Variants in ITFG2 observed in about 807,000 individuals in gnomAD.
ITFG2 encodes the protein integrin alpha FG-GAP repeat containing 2.
Under a neutral mutation model 54.4 loss-of-function variants are expected in ITFG2, and 36 were observed. The observed-to-expected ratio is 0.66, with a 90% CI of 0.51 to 0.87. ITFG2 has a LOEUF of 0.87. ITFG2 is among the 40% of genes least tolerant of loss of function. ITFG2 has a pLI of 0.00. For missense variants in ITFG2, 524 were observed against 576.7 expected (o/e 0.91, Z 0.94); for synonymous variants, 211 against 225.4 (o/e 0.94, Z 0.57).
intron 1 of ITFG2, among the ~76,000 whole-genome samples, chr12:2,838,463 G>A (rs899577652): frequency 6.6e-6 from 1 of 152,164 alleles, no homozygotes; most frequent in African/African-American, 2.4e-5. Flanking sequence ...TCTGTACACT[G>A]CACTCCAGGG....
At chr12:2,816,509 T>C (rs2097922087) in intron 1 of ITFG2, among the ~76,000 whole-genome samples, 1 of 151,778 alleles carries the variant, frequency 6.6e-6, no homozygotes, top group Non-Finnish European at 1.5e-5. Flanking sequence ...TTTTGTAGTT[T>C]TAATAGAAAC....
intron 2 of ITFG2, chr12:2,830,786 C>T: frequency 1.9e-6 from 3 of 1,613,950 alleles, no homozygotes; most frequent in Non-Finnish European, 2.5e-6. Flanking sequence ...TCAGGTCCTG[C>T]ATCCGGGGAG....
chr12:2,857,322 T>A (rs1303127966), intron 2 of ITFG2: 2 of 464,180 alleles, frequency 4.3e-6, no homozygotes, highest in African/African-American at 3.9e-5. Context: ...GGGATGGCAG[T>A]GGGAATGAAG....
intron 2 of ITFG2, among the ~76,000 whole-genome samples, chr12:2,850,878 G>A (rs895729409): frequency 2.0e-5 from 3 of 151,624 alleles, no homozygotes; most frequent in Non-Finnish European, 2.9e-5. Context: ...CCCCATGTTG[G>A]CCAGGCTGGT....
At chr12:2,830,436 G>T in intron 2 of ITFG2, 15 of 346,932 alleles carry the variant, frequency 4.3e-5, no homozygotes, top group South Asian at 1.3e-4. Flanking sequence ...TCTGTGTAGA[G>T]CACACTGAGG....
rs117927346 is a variant in ITFG2 at position 2,855,059 on chromosome 12, T to C, written n.301-2953T>C. On this transcript the variant is annotated intron_variant and non_coding_transcript_variant, in intron 2 of 3. Coordinates refer to the ITFG2 transcript ENST00000537710. ...TCCACAAACGTGGGATAACAGTGGATGAAGGTCAGGAAGCTGTTTTGCCCC... is the reference window on the plus strand; with the variant it reads ...TCCACAAACGTGGGATAACAGTGGACGAAGGTCAGGAAGCTGTTTTGCCCC... 2.6e-6 allele frequency: 4 copies of C among 1,535,712 alleles called. No individual in the cohort carries two copies. The East Asian group carries it at 9.8e-5, about 38-fold the overall frequency.
At chr12:2,830,594 A>G in intron 2 of ITFG2, 1 of 1,159,386 alleles carries the variant, frequency 8.6e-7, no homozygotes. Context: ...CTAGGGAGAG[A>G]GGTGCCCTTT....
chr12:2,857,289 G>C, intron 2 of ITFG2: 1 of 524,970 alleles, frequency 1.9e-6, no homozygotes, highest in Non-Finnish European at 3.4e-6. Context: ...AGCAGGGCAG[G>C]CTGGCTCCCA....
chr12:2,833,278 T>C (rs1275765421), upstream of ITFG2, among the ~76,000 whole-genome samples: 1 of 152,082 alleles, frequency 6.6e-6, no homozygotes, highest in African/African-American at 2.4e-5. Context: ...GTTCCAGCCA[T>C]TGAGAGCCGA....
chr12:2,813,340 G>A lies in ITFG2; in HGVS notation c.96+484G>A, dbSNP rs1190976935. The stretch of plus-strand genomic sequence containing the variant: ...GGTCAAGCAGGTAAAACAATGCCTG[G>A]CACACAGTTTAGTGCTCACTTAAGT... On this transcript the variant is annotated intron_variant, in intron 1 of 11. Transcript: ENST00000228799. 2.6e-5 allele frequency among the ~76,000 whole-genome samples: 4 copies of A among 152,320 alleles called. No individual in the cohort carries two copies. The East Asian group carries it at 7.7e-4, about 29-fold the overall frequency.
At chr12:2,841,719 A>T (rs1247808156) in intron 2 of ITFG2, among the ~76,000 whole-genome samples, 2 of 147,542 alleles carry the variant, frequency 1.4e-5, no homozygotes, top group African/African-American at 2.5e-5. Flanking sequence ...CTTTATATTG[A>T]TTTTTTTTTT....
chr12:2,837,304 C>T (rs1003513671), intron 1 of ITFG2, among the ~76,000 whole-genome samples: 1 of 151,946 alleles, frequency 6.6e-6, no homozygotes, highest in Non-Finnish European at 1.5e-5. Flanking sequence ...AGTGAAACCC[C>T]GTCTCTACTA....
intron 1 of ITFG2, among the ~76,000 whole-genome samples, chr12:2,838,423 G>T (rs114677594): frequency 6.6e-6 from 1 of 152,238 alleles, no homozygotes; most frequent in Middle Eastern, 3.4e-3. Flanking sequence ...AACATGGATG[G>T]GCTGTCCCAG....
intron 2 of ITFG2, among the ~76,000 whole-genome samples, chr12:2,848,877 G>GCGCACACACA (rs1555092608): frequency 8.7e-4 from 122 of 140,372 alleles, no homozygotes; most frequent in African/African-American, 3.0e-3. Flanking sequence ...ACACACACAC[G>GCGCACACACA]CACACACACA....
chr12:2,830,616 CCT>C, intron 2 of ITFG2: 1 of 1,356,182 alleles, frequency 7.4e-7, no homozygotes, highest in Non-Finnish European at 1.0e-6. Flanking sequence ...TCCCTCCCTC[CCT>C]CTCCCATCAG....
At chr12:2,834,669 G>C, upstream of ITFG2, 2 of 1,609,938 alleles carry the variant, frequency 1.2e-6, no homozygotes, top group Non-Finnish European at 1.7e-6. Flanking sequence ...CGAGCCTCTT[G>C]AGGCTGTCCA....
intron 1 of ITFG2, among the ~76,000 whole-genome samples, chr12:2,814,032 C>T (rs1470458876): frequency 6.6e-6 from 1 of 152,208 alleles, no homozygotes; most frequent in Non-Finnish European, 1.5e-5. Flanking sequence ...CAGCCTTGAA[C>T]TCCTGGGCTC....
rs986252943 is a variant in ITFG2 at position 2,830,768 on chromosome 12, G to A, written c.*60-66G>A. 9 of 1,613,952 alleles carry A rather than the reference G, an allele frequency of 5.6e-6. No homozygotes were observed. The Admixed American group carries it at 1.0e-4, about 18-fold the overall frequency. The stretch of plus-strand genomic sequence containing the variant: ...TGCTGGTCTTCCTCCTGCTCTCCTG[G>A]CCATGAATCAGGTCCTGCATCCGGG... On this transcript the variant is annotated intron_variant and NMD_transcript_variant, in intron 2 of 2. Transcript: ENST00000538822.
chr12:2,844,903 T>C (rs2098049938), intron 2 of ITFG2, among the ~76,000 whole-genome samples: 1 of 152,206 alleles, frequency 6.6e-6, no homozygotes, highest in Admixed American at 6.5e-5. Context: ...AATTCCTGTC[T>C]TGGAATTTGG....
Sources: gnomAD v4.1 joint callset for allele counts (sites outside exome capture counted in the v4.1 genomes callset) on GRCh38, gnomAD v4.1.1 for gene constraint, MANE v1.5 for transcripts, NCBI Gene and HGNC (gene_info 2026-07-23, HGNC 2026-07-21) for gene names.